The following NDUFB7 variants were observed in gnomAD, a reference collection of about 807,000 sequenced individuals.
The protein encoded by NDUFB7 is NADH:ubiquinone oxidoreductase subunit B7.
In NDUFB7, 18 loss-of-function variants were observed where a neutral mutation model predicts 14.7. The ratio of observed to expected loss-of-function variants is 1.22; its 90% CI spans 0.85 to 1.81. NDUFB7 has a LOEUF of 1.81. Ranked by LOEUF, NDUFB7 falls within the 40% of genes most tolerant of loss-of-function variation. NDUFB7 has a pLI of 0.00. For synonymous variants in NDUFB7, 86 were observed against 76.1 expected, an observed-to-expected ratio of 1.13 and a Z score of -0.68; for missense variants, 219 against 195.0, an observed-to-expected ratio of 1.12 and a Z score of -0.73.
At chr19:14,570,739 G>A (rs1599516106) in intron 1 of NDUFB7, among the ~76,000 whole-genome samples, 2 of 152,322 alleles carry the variant, frequency 1.3e-5, no homozygotes. Flanking sequence ...TGAGTTCTCT[G>A]GAGACAGTGC....
chr19:14,569,392 A>G (rs1365261711), intron 1 of NDUFB7, among the ~76,000 whole-genome samples: 1 of 152,132 alleles, frequency 6.6e-6, no homozygotes, highest in Non-Finnish European at 1.5e-5. Context: ...GCCTTGAGCA[A>G]TCCTCCTGCC....
intron 1 of NDUFB7, among the ~76,000 whole-genome samples, chr19:14,569,814 G>A (rs2074114581): frequency 6.6e-6 from 1 of 152,190 alleles, no homozygotes; most frequent in African/African-American, 2.4e-5. Flanking sequence ...AACTGATTGT[G>A]TCCCTCCTCT....
intron 1 of NDUFB7, among the ~76,000 whole-genome samples, chr19:14,569,841 C>T (rs184879922): frequency 6.6e-6 from 1 of 152,338 alleles, no homozygotes; most frequent in Non-Finnish European, 1.5e-5. Context: ...AAGCTTGGCT[C>T]TGCCACCTCT....
Position 14,566,807 on chromosome 19 carries a change from C to A in NDUFB7, c.239G>T (p.Cys80Phe). The change falls in exon 2 of 3, where the codon TGC becomes TTC. Residue 80 changes from cysteine (C) to phenylalanine (F), a missense_variant. Physicochemically the swap from Cys to Phe is radical, Grantham distance 205. Coordinates refer to ENST00000215565, the MANE Select transcript of NDUFB7 (RefSeq NM_004146.6). Reference sequence around the variant, plus strand: ...GTCCCAGTCGTGCCGCTCCTGCTTGCAGGCCAGGAAGTTGGGGAAGCTGTC... The same window carrying A: ...GTCCCAGTCGTGCCGCTCCTGCTTGAAGGCCAGGAAGTTGGGGAAGCTGTC... ...KRDSFPNFLA[C>F]KQERHDWDYC... The A allele has an allele frequency of 6.5e-7, 1 of 1,547,940 alleles. No homozygotes were observed.
intron 1 of NDUFB7, 89 bp downstream of exon 1, chr19:14,571,800 C>CCCAGCCCTGGGGTG (rs1031238514): frequency 3.7e-5 from 46 of 1,257,726 alleles, no homozygotes; most frequent in Non-Finnish European, 4.1e-5. Context: ...GAGGTTAGAG[C>CCCAGCCCTGGGGTG]CCAGCCCTGG....
intron 1 of NDUFB7, among the ~76,000 whole-genome samples, chr19:14,569,678 C>T (rs776952561): frequency 1.3e-5 from 2 of 152,130 alleles, no homozygotes; most frequent in Non-Finnish European, 2.9e-5. Flanking sequence ...GGAAGGACTA[C>T]CCGGAGTGTG....
Position 14,566,208 on chromosome 19 carries a change from C to T in NDUFB7, c.339G>A (p.Lys113=). The T allele has an allele frequency of 6.2e-7, 1 of 1,614,066 alleles. No homozygotes were observed. Among genetic ancestry groups the T allele is most frequent in the Non-Finnish European group, 8.5e-7 (1 of 1,180,004 alleles). The change falls in exon 3 of 3, where the codon AAG becomes AAA. Residue 113 remains lysine, a synonymous_variant. Coordinates refer to ENST00000215565, the MANE Select transcript of NDUFB7 (RefSeq NM_004146.6). ...ACTCTGCCGCCTTCTTCTCCCGCCG[C>T]TTCTTCCGCTGGAGCAGCCTCCGCT... ...ERERRLLQRK[K]RREKKAAELA...
At chr19:14,570,324 T>C (rs2074117481) in intron 1 of NDUFB7, among the ~76,000 whole-genome samples, 1 of 152,130 alleles carries the variant, frequency 6.6e-6, no homozygotes. Context: ...CTCAGCCTCC[T>C]GAGTAGCTGG....
chr19:14,571,463 G>C (rs566832954), intron 1 of NDUFB7, among the ~76,000 whole-genome samples: 1 of 152,248 alleles, frequency 6.6e-6, no homozygotes, highest in East Asian at 1.9e-4. Flanking sequence ...TGGGCATGGT[G>C]GTACACATCT....
At chr19:14,568,485 G>A (rs1434707759) in intron 1 of NDUFB7, among the ~76,000 whole-genome samples, 1 of 152,172 alleles carries the variant, frequency 6.6e-6, no homozygotes, top group Non-Finnish European at 1.5e-5. Flanking sequence ...AGCTCCAGGT[G>A]GCAATCCTAG....
In NDUFB7 at chr19:14,567,040, G is replaced by GT; in HGVS notation, c.113-108dup. ...GCTTCAGGAAGGCACGGCTTGGGGT[G>GT]TCCCCCATTCACATCCAGATGGCAG... On this transcript the variant is annotated intron_variant, in intron 1 of 2. Coordinates refer to ENST00000215565, the MANE Select transcript of NDUFB7 (RefSeq NM_004146.6). This position sits in a 1 kb window ranked among gnomAD's most constrained non-coding sequence, Gnocchi z 5.1. 1 of 1,182,490 alleles carries GT rather than the reference G, an allele frequency of 8.5e-7. No individual in the cohort carries two copies. The highest frequency in any genetic ancestry group is 1.2e-6 in the Non-Finnish European group (1 of 851,046). The allele number at this position is 1,182,490 out of a possible 1,614,324, so 73.2% of individuals were successfully genotyped here.
At chr19:14,566,365 G>A (rs1023037355) in intron 2 of NDUFB7, 100 bp from the exon 3 acceptor site, 1 of 1,562,530 alleles carries the variant, frequency 6.4e-7, no homozygotes, top group African/African-American at 1.4e-5. Flanking sequence ...CTGTGGGGGA[G>A]GCCTCTGAAG....
chr19:14,566,639 C>T lies in NDUFB7; in HGVS notation c.281+126G>A, dbSNP rs1010056879. ...GTGGGGTGCAGGCTGTGGGTGTTGG[C>T]GGGGGTGGGAGGGGGGCTTGGGCGG... On this transcript the variant is annotated intron_variant, in intron 2 of 2. Transcript: ENST00000215565. The T allele has an allele frequency of 6.9e-5, 37 of 539,406 alleles. No individual in the cohort carries two copies. In the African/African-American group the frequency reaches 7.4e-4, roughly 11 times the overall value. The allele number at this position is 539,406 out of a possible 1,614,324, so 33.4% of individuals were successfully genotyped here.
In NDUFB7 at chr19:14,566,210, T is replaced by G. The variant is rs202223254; in HGVS notation, c.337A>C (p.Lys113Gln). 1.3e-4 allele frequency: 216 copies of G among 1,614,014 alleles called. No homozygotes were observed. The highest frequency in any genetic ancestry group is 1.6e-4 in the African/African-American group (12 of 75,046). Residue 113 changes from lysine (K) to glutamine (Q), a missense_variant, in exon 3 of 3, where the codon AAG becomes CAG. Coordinates refer to ENST00000215565, the MANE Select transcript of NDUFB7 (RefSeq NM_004146.6). ...TCTGCCGCCTTCTTCTCCCGCCGCT[T>G]CTTCCGCTGGAGCAGCCTCCGCTCC... ...ERERRLLQRK[K>Q]RREKKAAELA...
At chr19:14,569,680 C>T (rs966980979) in intron 1 of NDUFB7, among the ~76,000 whole-genome samples, 2 of 152,156 alleles carry the variant, frequency 1.3e-5, no homozygotes, top group Non-Finnish European at 2.9e-5. Context: ...AAGGACTACC[C>T]GGAGTGTGGA....
chr19:14,566,862 G>C lies in NDUFB7; in HGVS notation c.184C>G (p.His62Asp), dbSNP rs142423426. 11 of 1,572,246 alleles carry C rather than the reference G, an allele frequency of 7.0e-6. No homozygotes were observed. Among genetic ancestry groups the C allele is most frequent in the Middle Eastern group, 1.8e-4 (1 of 5,410 alleles). ...TTGCACTTGAGCAGCCGGATGAGGT[G>C]GTGGGCGCAGTAGTCCCGCAGCTGG... Reference protein sequence around the residue: ...RLQLRDYCAHHLIRLLKCKRD... With the variant: ...RLQLRDYCAHDLIRLLKCKRD... The change falls in exon 2 of 3, where the codon CAC (histidine) becomes GAC (aspartate). Residue 62 changes from histidine (H) to aspartate (D), a missense_variant. By Grantham distance (81) the His-to-Asp change is moderately conservative. Transcript: ENST00000215565.
At chr19:14,571,838 C>T in intron 1 of NDUFB7, 51 bp downstream of exon 1, 1 of 1,546,390 alleles carries the variant, frequency 6.5e-7, no homozygotes, top group South Asian at 1.2e-5. Flanking sequence ...GCCAGGTGTT[C>T]AGGCACCCGC....
intron 1 of NDUFB7, among the ~76,000 whole-genome samples, chr19:14,570,468 G>A (rs1162486442): frequency 2.0e-5 from 3 of 152,082 alleles, no homozygotes; most frequent in Non-Finnish European, 2.9e-5. Context: ...CCAAAGTGCT[G>A]GGATTATGGG....
Position 14,572,044 on chromosome 19 carries a change from A to T in NDUFB7, c.-44T>A, listed in dbSNP as rs768845273. Reference sequence around the variant, plus strand: ...TCCCTGCAGCAGCCGAGGGTCACCTAGCTCCTACCCGGAACCACTGACCCC... The same window carrying T: ...TCCCTGCAGCAGCCGAGGGTCACCTTGCTCCTACCCGGAACCACTGACCCC... On this transcript the variant is annotated 5_prime_UTR_variant, in exon 1 of 3. Transcript: ENST00000215565. The T allele has an allele frequency of 4.1e-6, 6 of 1,459,844 alleles. No individual in the cohort carries two copies. In the South Asian group the frequency reaches 7.5e-5, roughly 18 times the overall value. The allele number at this position is 1,459,844 out of a possible 1,614,324, so 90.4% of individuals were successfully genotyped here. A position where few individuals can be genotyped will look rare whatever the true frequency, so the allele number is the denominator to read the frequency against.
Sources: gnomAD v4.1 joint callset for allele counts (sites outside exome capture counted in the v4.1 genomes callset) on GRCh38, gnomAD v4.1.1 for gene constraint, Gnocchi (gnomAD v3.1) non-coding constraint, MANE v1.5 for transcripts, NCBI Gene and HGNC (gene_info 2026-07-23, HGNC 2026-07-21) for gene names.